The following CUL4A variants were observed in gnomAD, a reference collection of about 807,000 sequenced individuals.
The protein encoded by CUL4A is cullin 4A, also known as cullin-4A.
Under a neutral mutation model 95.5 loss-of-function variants are expected in CUL4A, and 16 were observed. That is an observed-to-expected ratio of 0.17 (90% CI 0.11 to 0.25). The LOEUF (loss-of-function observed/expected upper bound fraction) is 0.25. Among genes scored for constraint, CUL4A ranks in the 10% least tolerant of loss-of-function variants. CUL4A has a pLI of 1.00. For synonymous variants in CUL4A, 380 were observed against 353.1 expected (o/e 1.08, Z -0.85); for missense variants, 610 against 937.0 (o/e 0.65, Z 4.56).
chr13:113,249,977 T>C (rs569184120), intron 15 of CUL4A, among the ~76,000 whole-genome samples: 5 of 152,372 alleles, frequency 3.3e-5, no homozygotes, highest in African/African-American at 1.2e-4. Context: ...GAGCTCTTTA[T>C]ATTCCAAATG....
chr13:113,258,439 C>T (rs1383418653), intron 18 of CUL4A, among the ~76,000 whole-genome samples: 1 of 152,126 alleles, frequency 6.6e-6, no homozygotes, highest in African/African-American at 2.4e-5. Flanking sequence ...TTATCTTTAT[C>T]ATATTAAATC....
chr13:113,216,892 C>T (rs1043581020), intron 2 of CUL4A, among the ~76,000 whole-genome samples: 2 of 152,202 alleles, frequency 1.3e-5, no homozygotes, highest in Admixed American at 6.5e-5. Flanking sequence ...CTACAGCAAA[C>T]CTGGGTTACC....
At chr13:113,218,733 C>T (rs1417087696) in intron 2 of CUL4A, among the ~76,000 whole-genome samples, 2 of 152,194 alleles carry the variant, frequency 1.3e-5, no homozygotes, top group East Asian at 1.9e-4. Flanking sequence ...GTTACCTCTA[C>T]CCCCATGCCA....
intron 18 of CUL4A, among the ~76,000 whole-genome samples, chr13:113,255,879 A>T (rs1481321824): frequency 6.6e-6 from 1 of 152,148 alleles, no homozygotes; most frequent in African/African-American, 2.4e-5. Flanking sequence ...GCAGGTTTTT[A>T]TGTGGACTTA....
At chr13:113,209,598 G>A (rs1484593643), upstream of CUL4A, 80 of 1,004,224 alleles carry the variant, frequency 8.0e-5, no homozygotes, top group Non-Finnish European at 9.5e-5. Context: ...GGCGGCGCTC[G>A]GGGCGGGGCG....
intron 9 of CUL4A, among the ~76,000 whole-genome samples, chr13:113,237,652 A>G (rs1456422508): frequency 3.9e-5 from 6 of 152,232 alleles, no homozygotes; most frequent in African/African-American, 1.2e-4. Context: ...ATTTGAAACA[A>G]TGTTACCTTC....
intron 5 of CUL4A, among the ~76,000 whole-genome samples, chr13:113,231,936 C>A (rs909256405): frequency 2.0e-5 from 3 of 151,950 alleles, no homozygotes; most frequent in Admixed American, 6.6e-5. Context: ...CCCACCACTG[C>A]GGCTGCTGCC....
Position 113,265,094 on chromosome 13 carries a change from T to C in CUL4A, c.*1512T>C, listed in dbSNP as rs2139326468. On this transcript the variant is annotated 3_prime_UTR_variant, in exon 20 of 20. Transcript: ENST00000375440. ...ATGCAAATGACACATTCTTCATAAC[T>C]CTTTAGCAGCTTTGACTACTAGTGC... 6.6e-6 allele frequency: 1 copy of C among 152,358 alleles called. No individual in the cohort carries two copies. The highest frequency in any genetic ancestry group is 1.9e-4 in the East Asian group (1 of 5,188). The allele number at this position is 152,358 out of a possible 1,614,324, so 9.4% of individuals were successfully genotyped here. A position where few individuals can be genotyped will look rare whatever the true frequency, so the allele number is the denominator to read the frequency against.
intron 10 of CUL4A, among the ~76,000 whole-genome samples, chr13:113,240,516 A>G (rs1486879181): frequency 6.6e-6 from 1 of 152,246 alleles, no homozygotes; most frequent in Non-Finnish European, 1.5e-5. Flanking sequence ...ACATTTAGCA[A>G]AAGTCTGTGT....
chr13:113,211,912 C>T (rs933030308), intron 2 of CUL4A, among the ~76,000 whole-genome samples: 5 of 151,964 alleles, frequency 3.3e-5, no homozygotes, highest in Non-Finnish European at 7.4e-5. Flanking sequence ...GGTTCCACTC[C>T]GCCACCAGCG....
At position 113,263,843 on chromosome 13, in the gene CUL4A, G is replaced by A. The variant is rs1308713854; in HGVS notation, c.*261G>A. ...TCTGTGCAAAATAACTTTGAGATTG[G>A]ACAAGAAGATGTTACTAAAGAGAAG... On this transcript the variant is annotated 3_prime_UTR_variant, in exon 20 of 20. Coordinates refer to ENST00000375440, the MANE Select transcript of CUL4A (RefSeq NM_001008895.4). The A allele has an allele frequency of 1.3e-5, 4 of 319,810 alleles. No homozygotes were observed. The highest frequency in any genetic ancestry group is 9.8e-5 in the Admixed American group (2 of 20,340). 19.8% of individuals were successfully genotyped at this position (319,810 alleles called of 1,614,324 possible).
At chr13:113,253,255 ATTG>A in intron 16 of CUL4A, 60 bp downstream of exon 16, 1 of 870,506 alleles carries the variant, frequency 1.1e-6, no homozygotes, top group Non-Finnish European at 1.7e-6. Flanking sequence ...TAATTTTTTT[ATTG>A]TTACTGGACT....
At chr13:113,229,873 G>T (rs1595377083) in intron 5 of CUL4A, 1 of 463,484 alleles carries the variant, frequency 2.2e-6, no homozygotes. Context: ...CTGCCCGTGG[G>T]GTCGCAGCCC....
Position 113,256,152 on chromosome 13 carries a change from A to C in CUL4A, c.2031+1027A>C, listed in dbSNP as rs116135079. ...GCCTGAGCAATGCAGTGAGACCCCA[A>C]ACTCTACAAAAGAAAAAACACCTGG... On this transcript the variant is annotated intron_variant, in intron 18 of 19. Coordinates refer to ENST00000375440, the MANE Select transcript of CUL4A (RefSeq NM_001008895.4). Among the ~76,000 whole-genome samples the C allele has an allele frequency of 7.3e-3, 1,115 of 152,234 alleles. 19 individuals are homozygous for C. Among genetic ancestry groups the C allele is most frequent in the African/African-American group, 0.025 (1,044 of 41,536 alleles).
intron 2 of CUL4A, among the ~76,000 whole-genome samples, chr13:113,215,578 G>C (rs2040634522): frequency 6.6e-6 from 1 of 151,552 alleles, no homozygotes; most frequent in Non-Finnish European, 1.5e-5. Context: ...TGGCCGTGGA[G>C]GTCTCTGCGT....
At chr13:113,224,612 C>T (rs1373464166) in intron 3 of CUL4A, among the ~76,000 whole-genome samples, 1 of 152,212 alleles carries the variant, frequency 6.6e-6, no homozygotes, top group Non-Finnish European at 1.5e-5. Context: ...TCCGCACTGG[C>T]GACAGCAGGC....
intron 15 of CUL4A, among the ~76,000 whole-genome samples, chr13:113,249,154 T>C (rs1260416181): frequency 1.3e-5 from 2 of 152,240 alleles, no homozygotes; most frequent in Non-Finnish European, 2.9e-5. Flanking sequence ...TCACAATATG[T>C]GAGCTTTTGT....
rs184976822 is a variant in CUL4A, at chr13:113,228,887, G to C, written c.439-559G>C. Reference sequence around the variant, plus strand: ...TGTAATCCCAGCTCTTTGGGAGGCCGAGGCGGGCGGATCACGAGGTCAGGA... The same window carrying C: ...TGTAATCCCAGCTCTTTGGGAGGCCCAGGCGGGCGGATCACGAGGTCAGGA... On this transcript the variant is annotated intron_variant, in intron 4 of 19. Coordinates refer to ENST00000375440, the MANE Select transcript of CUL4A (RefSeq NM_001008895.4). Among the ~76,000 whole-genome samples, 9 of 152,140 alleles carry C rather than the reference G, an allele frequency of 5.9e-5. No individual in the cohort carries two copies. In the East Asian group the frequency reaches 1.7e-3, roughly 29 times the overall value.
chr13:113,234,669 C>G (rs1345136846), intron 7 of CUL4A, among the ~76,000 whole-genome samples: 1 of 152,170 alleles, frequency 6.6e-6, no homozygotes, highest in African/African-American at 2.4e-5. Flanking sequence ...TGAACAACCA[C>G]CTTGTTGACT....
Sources: gnomAD v4.1 joint callset for allele counts (sites outside exome capture counted in the v4.1 genomes callset) on GRCh38, gnomAD v4.1.1 for gene constraint, MANE v1.5 for transcripts, NCBI Gene and HGNC (gene_info 2026-07-23, HGNC 2026-07-21) for gene names.